The following CAPN9 variants were observed in gnomAD, a reference collection of about 807,000 sequenced individuals.
CAPN9 encodes calpain 9, also known as calpain-9.
CAPN9 carries 81 observed loss-of-function variants against 92.8 expected under a neutral mutation model. That is an observed-to-expected ratio of 0.87 (90% confidence interval 0.73 to 1.05). CAPN9 has a LOEUF of 1.05. Among genes scored for constraint, CAPN9 ranks in the 50% least tolerant of loss-of-function variants. The probability of loss-of-function intolerance (pLI) is 0.00; values close to 1 mark genes in which losing one functional copy is unlikely to be tolerated. For missense variants in CAPN9, 848 were observed against 866.2 expected (o/e 0.98, Z 0.26); for synonymous variants, 304 against 328.0 (o/e 0.93, Z 0.79).
chr1:230,755,928 G>A (rs1665195619), intron 2 of CAPN9, among the ~76,000 whole-genome samples: 1 of 152,008 alleles, frequency 6.6e-6, no homozygotes, highest in Non-Finnish European at 1.5e-5. Flanking sequence ...CACACCCTGG[G>A]GAGCCGCTCC....
intron 6 of CAPN9, among the ~76,000 whole-genome samples, chr1:230,769,616 CCTATCTATCTATCTAT>C (rs10557166): frequency 0.035 from 4,029 of 115,972 alleles, 76 homozygotes; most frequent in African/African-American, 0.046. Flanking sequence ...CACACACACA[CCTATCTATCTATCTAT>C]CTATCTATCT....
Position 230,751,585 on chromosome 1 carries a change from CAA to C in CAPN9, c.214-3750_214-3749del, listed in dbSNP as rs1303559455. Among the ~76,000 whole-genome samples the C allele has an allele frequency of 7.2e-3, 411 of 57,452 alleles. 9 individuals carry two copies. The highest frequency in any genetic ancestry group is 0.032 in the African/African-American group (393 of 12,468). 37.7% of individuals were successfully genotyped at this position (57,452 alleles called of 152,430 possible). A position where few individuals can be genotyped will look rare whatever the true frequency, so the allele number is the denominator to read the frequency against. ...GAGAAAGAAAGAAAGAAGAAAGAAACAAAGAAAGAAAGAAAGAAAGAAAGAGA... is the reference window on the plus strand; with the variant it reads ...GAGAAAGAAAGAAAGAAGAAAGAAACAGAAAGAAAGAAAGAAAGAAAGAGA... On this transcript the variant is annotated intron_variant, in intron 1 of 19. Coordinates refer to ENST00000271971, the MANE Select transcript of CAPN9 (RefSeq NM_006615.3).
intron 1 of CAPN9, among the ~76,000 whole-genome samples, chr1:230,750,867 G>A (rs1664716460): frequency 1.3e-5 from 2 of 152,302 alleles, no homozygotes; most frequent in Admixed American, 6.5e-5. Flanking sequence ...GAGGCAGAGA[G>A]GGTGATAGGC....
intron 1 of CAPN9, among the ~76,000 whole-genome samples, chr1:230,753,840 T>TCCTC (rs3063223): frequency 0.18 from 24,498 of 135,854 alleles, 2,841 homozygotes; most frequent in Non-Finnish European, 0.27. Flanking sequence ...CGGCCCGGCT[T>TCCTC]CCTCCCTCCC....
chr1:230,755,918 C>T (rs1665194484), intron 2 of CAPN9, among the ~76,000 whole-genome samples: 1 of 152,122 alleles, frequency 6.6e-6, no homozygotes, highest in African/African-American at 2.4e-5. Flanking sequence ...AACCATTATA[C>T]ACACCCTGGG....
chr1:230,793,602 G>A (rs952760049), intron 17 of CAPN9, among the ~76,000 whole-genome samples: 1 of 152,124 alleles, frequency 6.6e-6, no homozygotes. Flanking sequence ...GGCTGCCTGC[G>A]CTTCTCACCA....
chr1:230,789,249 A>G (rs1456052859), intron 13 of CAPN9, among the ~76,000 whole-genome samples: 1 of 152,092 alleles, frequency 6.6e-6, no homozygotes, highest in Non-Finnish European at 1.5e-5. Flanking sequence ...TCCTGGGAAA[A>G]AAAACACAGA....
intron 17 of CAPN9, among the ~76,000 whole-genome samples, chr1:230,793,985 G>A (rs1453163437): frequency 6.6e-6 from 1 of 152,114 alleles, no homozygotes; most frequent in Non-Finnish European, 1.5e-5. Context: ...CAGGATTCTG[G>A]CCAAGGCTGG....
At chr1:230,773,183 G>C (rs1235484632) in intron 7 of CAPN9, among the ~76,000 whole-genome samples, 2 of 152,198 alleles carry the variant, frequency 1.3e-5, no homozygotes, top group Non-Finnish European at 2.9e-5. Flanking sequence ...ACACAGGCCT[G>C]TGCTTTCCAG....
rs192207619 is a variant in CAPN9 at position 230,749,420 on chromosome 1, C to T, written c.213+1711C>T. 1.1e-3 allele frequency among the ~76,000 whole-genome samples: 174 copies of T among 152,342 alleles called. 1 individual carries two copies. The highest frequency in any genetic ancestry group is 3.9e-3 in the African/African-American group (163 of 41,582). On this transcript the variant is annotated intron_variant, in intron 1 of 19. Coordinates refer to ENST00000271971, the MANE Select transcript of CAPN9 (RefSeq NM_006615.3). Reference sequence around the variant, plus strand: ...CACCGCCCACGACCATTAGGTCTCCCTGGGCTTATTTCCGGCCTCGGCGCA... The same window carrying T: ...CACCGCCCACGACCATTAGGTCTCCTTGGGCTTATTTCCGGCCTCGGCGCA...
chr1:230,773,021 A>G (rs1310694606), intron 7 of CAPN9, among the ~76,000 whole-genome samples: 1 of 151,954 alleles, frequency 6.6e-6, no homozygotes. Context: ...TGCCACATCC[A>G]TGGCCCCTGA....
intron 7 of CAPN9, among the ~76,000 whole-genome samples, chr1:230,773,544 C>T (rs1486362735): frequency 6.6e-6 from 1 of 152,192 alleles, no homozygotes; most frequent in East Asian, 1.9e-4. Context: ...CTCATGCAGC[C>T]TCCATGGGTG....
rs927054193 is a variant in CAPN9, at chr1:230,765,586, G to T, written c.537-1955G>T. Among the ~76,000 whole-genome samples the T allele has an allele frequency of 2.0e-5, 3 of 152,240 alleles. No individual in the cohort carries two copies. The East Asian group carries it at 5.8e-4, about 29-fold the overall frequency. On this transcript the variant is annotated intron_variant, in intron 4 of 19. Transcript: ENST00000271971. The stretch of plus-strand genomic sequence containing the variant: ...AGGCAGCAGAACCACTTGAACCCAG[G>T]AGGTAGAGGTTGCAGTAAGCCGAGA...
intron 11 of CAPN9, among the ~76,000 whole-genome samples, chr1:230,784,804 G>A (rs116407386): frequency 6.0e-4 from 92 of 152,368 alleles, no homozygotes; most frequent in African/African-American, 2.1e-3. Context: ...AGTCCCCACT[G>A]GGGTACTGCC....
chr1:230,761,278 G>C (rs1408973758), intron 3 of CAPN9, among the ~76,000 whole-genome samples: 1 of 152,120 alleles, frequency 6.6e-6, no homozygotes, highest in Non-Finnish European at 1.5e-5. Flanking sequence ...CTCAGCCACA[G>C]TGCAGGTGTG....
intron 1 of CAPN9, 123 bp downstream of exon 1, chr1:230,747,832 C>A (rs1664522972): frequency 2.5e-6 from 2 of 812,570 alleles, no homozygotes; most frequent in Non-Finnish European, 4.1e-6. Flanking sequence ...GGTGCATCAT[C>A]CCAGTCTACC....
intron 11 of CAPN9, among the ~76,000 whole-genome samples, chr1:230,781,808 A>C (rs1169061782): frequency 6.6e-6 from 1 of 152,150 alleles, no homozygotes; most frequent in Non-Finnish European, 1.5e-5. Flanking sequence ...AGTGAGAGAG[A>C]ATTAGATTGG....
In CAPN9 at chr1:230,752,645, C is replaced by G. The variant is rs1226301995; in HGVS notation, c.214-2692C>G. 7 of 984,516 alleles carry G rather than the reference C, an allele frequency of 7.1e-6. No individual in the cohort carries two copies. In the Admixed American group the frequency reaches 3.7e-4, roughly 52 times the overall value. The allele number at this position is 984,516 out of a possible 1,614,324, so 61.0% of individuals were successfully genotyped here. On this transcript the variant is annotated intron_variant, in intron 1 of 19. Coordinates refer to ENST00000271971, the MANE Select transcript of CAPN9 (RefSeq NM_006615.3). Reference sequence around the variant, plus strand: ...AGGAGGCGGGCATCCGGGAACAGCCCTGCCCCAGGAGCTAGCACAGCCTGC... The same window carrying G: ...AGGAGGCGGGCATCCGGGAACAGCCGTGCCCCAGGAGCTAGCACAGCCTGC...
intron 11 of CAPN9, among the ~76,000 whole-genome samples, chr1:230,781,232 G>A (rs1390521467): frequency 1.3e-5 from 2 of 152,020 alleles, no homozygotes; most frequent in South Asian, 4.2e-4. Flanking sequence ...CTGCTCCCTC[G>A]CTCCCTCAAG....
Sources: gnomAD v4.1 joint callset for allele counts (sites outside exome capture counted in the v4.1 genomes callset) on GRCh38, gnomAD v4.1.1 for gene constraint, MANE v1.5 for transcripts, NCBI Gene and HGNC (gene_info 2026-07-23, HGNC 2026-07-21) for gene names.